The following CHADL variants were observed in gnomAD, a reference collection of about 807,000 sequenced individuals.
CHADL encodes chondroadherin like, also known as chondroadherin-like protein.
CHADL carries 48 observed loss-of-function variants against 52.1 expected under a neutral mutation model. The observed-to-expected ratio is 0.92, with a 90% CI of 0.73 to 1.17. The LOEUF is 1.17. Ranked by LOEUF, CHADL falls within the 50% of genes most tolerant of loss-of-function variation. The pLI, the probability that CHADL is intolerant of heterozygous loss-of-function variation, is 0.00. For missense variants in CHADL, 977 were observed against 1,035.1 expected (o/e 0.94, Z 0.77); for synonymous variants, 498 against 511.2 (o/e 0.97, Z 0.35).
rs529923159 is a variant in CHADL at position 41,240,081 on chromosome 22, T to C, written c.9-461A>G. On this transcript the variant is annotated intron_variant, in intron 1 of 5. Coordinates refer to ENST00000216241, the MANE Select transcript of CHADL (RefSeq NM_138481.2). Reference sequence around the variant, plus strand: ...CCAGTCCGGGTCCTTGAGTCTTTTTTTGTTTGTTTGTTTAAATAGAGACAA... The same window carrying C: ...CCAGTCCGGGTCCTTGAGTCTTTTTCTGTTTGTTTGTTTAAATAGAGACAA... 2.0e-5 allele frequency among the ~76,000 whole-genome samples: 3 copies of C among 152,058 alleles called. No individual in the cohort carries two copies. The South Asian group carries it at 6.2e-4, about 32-fold the overall frequency.
chr22:41,234,711 A>G (rs113450937), intron 5 of CHADL, among the ~76,000 whole-genome samples: 10,480 of 152,042 alleles, frequency 0.069, 963 homozygotes, highest in African/African-American at 0.2. Context: ...CCACCACCAC[A>G]GCCGGATAAT....
intron 5 of CHADL, chr22:41,231,209 A>G (rs1025513762): frequency 6.6e-6 from 1 of 152,184 alleles, no homozygotes; most frequent in Admixed American, 6.5e-5. Flanking sequence ...TCTAGCTGCC[A>G]TTGCAACCTC....
chr22:41,229,788 C>CAG, intron 5 of CHADL, 58 bp from the exon 6 acceptor site: 3 of 1,451,848 alleles, frequency 2.1e-6, no homozygotes, highest in Non-Finnish European at 2.9e-6. Flanking sequence ...CCAAGCAGTC[C>CAG]TGTACCACTG....
chr22:41,235,235 G>A lies in CHADL; in HGVS notation c.2172C>T (p.Gly724=). 1 of 1,551,426 alleles carries A rather than the reference G, an allele frequency of 6.4e-7. No individual in the cohort carries two copies. The highest frequency in any genetic ancestry group is 2.0e-5 in the Admixed American group (1 of 51,010). The change falls in exon 5 of 6, where the codon GGC becomes GGT. Residue 724 remains glycine, a synonymous_variant. Transcript: ENST00000216241. ...AAAAVFEDCP[G]WAARKAKRTP... Reference sequence around the variant, plus strand: ...TCCGCTTGGCCTTTCTGGCAGCCCAGCCCGGGCAGTCTTCAAAGACAGCAG... The same window carrying A: ...TCCGCTTGGCCTTTCTGGCAGCCCAACCCGGGCAGTCTTCAAAGACAGCAG...
chr22:41,238,013 C>A lies in CHADL; in HGVS notation c.1059G>T (p.Trp353Cys), dbSNP rs1174051455. ...RGEALDALRP[W>C]DLRCPGDAAQ... ...CCGCGTCCCCAGGGCAGCGCAGGTC[C>A]CAGGGCCGCAGGGCGTCCAGAGCCT... is the stretch of plus-strand genomic sequence containing the variant. The change falls in exon 3 of 6, where the codon TGG becomes TGT. Residue 353 changes from tryptophan to cysteine, a missense_variant. Trp to Cys is a radical substitution (Grantham distance 215). Coordinates refer to ENST00000216241, the MANE Select transcript of CHADL (RefSeq NM_138481.2). The surrounding 1 kb of genome is among the most constrained non-coding windows in gnomAD (Gnocchi z 4.9). 1.6e-5 allele frequency: 21 copies of A among 1,285,932 alleles called. No individual in the cohort carries two copies. Among genetic ancestry groups the A allele is most frequent in the Non-Finnish European group, 2.0e-5 (20 of 1,023,046 alleles). The allele number at this position is 1,285,932 out of a possible 1,614,324, so 79.7% of individuals were successfully genotyped here. A position where few individuals can be genotyped will look rare whatever the true frequency, so the allele number is the denominator to read the frequency against.
In CHADL at chr22:41,238,254, G is replaced by A; in HGVS notation, c.818C>T (p.Ala273Val). 6.5e-7 allele frequency: 1 copy of A among 1,530,486 alleles called. No individual in the cohort carries two copies. Among genetic ancestry groups the A allele is most frequent in the Non-Finnish European group, 8.7e-7 (1 of 1,144,966 alleles). 94.8% of individuals were successfully genotyped at this position (1,530,486 alleles called of 1,614,324 possible). The change falls in exon 3 of 6, where the codon GCC (alanine) becomes GTC (valine). Residue 273 changes from alanine to valine, a missense_variant. Ala to Val is a moderately conservative substitution (Grantham distance 64). Coordinates refer to ENST00000216241, the MANE Select transcript of CHADL (RefSeq NM_138481.2). This position sits in a 1 kb window ranked among gnomAD's most constrained non-coding sequence, Gnocchi z 4.9. ...GGALQALGPRAFAHCPRLHTL... is the reference protein window; with the variant it reads ...GGALQALGPRVFAHCPRLHTL... The stretch of plus-strand genomic sequence containing the variant: ...GTGCAGGCGCGGACAGTGTGCGAAG[G>A]CCCTGGGACCCAGGGCCTGCAGGGC...
chr22:41,238,643 C>T lies in CHADL; in HGVS notation c.429G>A (p.Gly143=), dbSNP rs948585139. Residue 143 remains glycine (G), a synonymous_variant, in exon 3 of 6, where the codon GGG becomes GGA. Coordinates refer to ENST00000216241, the MANE Select transcript of CHADL (RefSeq NM_138481.2). The surrounding 1 kb of genome is among the most constrained non-coding windows in gnomAD (Gnocchi z 4.9). ...CCGGCCGCAGCTCCTCCAGTGCGTTCCCCTCCAGCTCCAGCCGCCGCAACG... is the reference window on the plus strand; with the variant it reads ...CCGGCCGCAGCTCCTCCAGTGCGTTTCCCTCCAGCTCCAGCCGCCGCAACG... ...LGSLRRLELE[G]NALEELRPGT... is the part of the protein sequence containing the mutation. 5.8e-6 allele frequency: 9 copies of T among 1,544,284 alleles called. No homozygotes were observed. In the African/African-American group the frequency reaches 9.6e-5, roughly 16 times the overall value.
intron 5 of CHADL, among the ~76,000 whole-genome samples, chr22:41,234,457 C>T (rs1242552978): frequency 6.6e-6 from 1 of 151,584 alleles, no homozygotes; most frequent in African/African-American, 2.4e-5. Context: ...TCTCTGCTCA[C>T]TGCAACCTCT....
Position 41,236,531 on chromosome 22 carries a change from G to A in CHADL, c.2016C>T (p.Leu672=), listed in dbSNP as rs1477998571. 6.4e-6 allele frequency: 10 copies of A among 1,551,370 alleles called. No homozygotes were observed. The highest frequency in any genetic ancestry group is 5.2e-6 in the Non-Finnish European group (6 of 1,146,988). ...PSLSQLELID[L]SSNPFHCDCQ... ...AGTCACAGTGGAAGGGATTGCTGCT[G>A]AGGTCGATGAGCTCCAGCTGGCTGA... The change falls in exon 4 of 6, where the codon CTC becomes CTT. Residue 672 remains leucine (L), a synonymous_variant. Coordinates refer to ENST00000216241, the MANE Select transcript of CHADL (RefSeq NM_138481.2).
chr22:41,238,948 C>T lies in CHADL; in HGVS notation c.187-63G>A. ...AGGGACCCCGCCTTTGCAAGTGCTG[C>T]TTCTTCCCCGGAACACTCTTTTCTC... is the stretch of plus-strand genomic sequence containing the variant. On this transcript the variant is annotated intron_variant, in intron 2 of 5. Transcript: ENST00000216241. The surrounding 1 kb of genome is among the most constrained non-coding windows in gnomAD (Gnocchi z 4.9). The T allele has an allele frequency of 6.8e-7, 1 of 1,466,180 alleles. No individual in the cohort carries two copies. The highest frequency in any genetic ancestry group is 9.0e-7 in the Non-Finnish European group (1 of 1,105,040). 90.8% of individuals were successfully genotyped at this position (1,466,180 alleles called of 1,614,324 possible).
chr22:41,240,830 G>A (rs1434290008), intron 1 of CHADL, 44 bp downstream of exon 1: 2 of 1,549,862 alleles, frequency 1.3e-6, no homozygotes, highest in African/African-American at 1.4e-5. Flanking sequence ...AGGCCACTGA[G>A]CTGCTCTGAA....
At chr22:41,233,069 GTA>G (rs1379689211) in intron 5 of CHADL, among the ~76,000 whole-genome samples, 3 of 152,086 alleles carry the variant, frequency 2.0e-5, no homozygotes, top group African/African-American at 7.2e-5. Flanking sequence ...GTACCTCAGA[GTA>G]TGACCTTACT....
chr22:41,239,536 C>T lies in CHADL; in HGVS notation c.93G>A (p.Gln31=). 1 of 1,549,432 alleles carries T rather than the reference C, an allele frequency of 6.5e-7. No individual in the cohort carries two copies. The highest frequency in any genetic ancestry group is 8.7e-7 in the Non-Finnish European group (1 of 1,146,440). ...CACAGATGCAGGCCTGTGGGCAGCG[C>T]TGGGCGGCGGCCTGCCTAGCCGGGG... The part of the protein sequence containing the change: ...LLAPARQAAA[Q]RCPQACICDN... Residue 31 remains glutamine, a synonymous_variant, in exon 2 of 6, where the codon CAG becomes CAA. Transcript: ENST00000216241.
At position 41,237,687 on chromosome 22, in the gene CHADL, G is replaced by A. The variant is rs1263251466; in HGVS notation, c.1385C>T (p.Ala462Val). The A allele has an allele frequency of 2.7e-5, 42 of 1,542,638 alleles. No individual in the cohort carries two copies. The highest frequency in any genetic ancestry group is 3.3e-5 in the Non-Finnish European group (38 of 1,142,382). ...VSLHLQHCGI[A>V]ELEAGALAGL... is the part of the protein sequence containing the mutation. Reference sequence around the variant, plus strand: ...GGCCAGGGCGCCCGCTTCCAGCTCCGCGATGCCGCAGTGCTGCAGGTGCAG... The same window carrying A: ...GGCCAGGGCGCCCGCTTCCAGCTCCACGATGCCGCAGTGCTGCAGGTGCAG... Residue 462 changes from alanine (A) to valine (V), a missense_variant, in exon 3 of 6, where the codon GCG becomes GTG. Ala to Val is a moderately conservative substitution (Grantham distance 64). Coordinates refer to ENST00000216241, the MANE Select transcript of CHADL (RefSeq NM_138481.2).
intron 5 of CHADL, among the ~76,000 whole-genome samples, chr22:41,232,476 TCAAGGGAGACTGGCAGA>T (rs1338909981): frequency 6.6e-6 from 1 of 152,100 alleles, no homozygotes; most frequent in Non-Finnish European, 1.5e-5. Flanking sequence ...GACACGGGCA[TCAAGGGAGACTGGCAGA>T]CGTCCATCCT....
At chr22:41,236,398 G>T in intron 4 of CHADL, 86 bp downstream of exon 4, 1 of 1,245,408 alleles carries the variant, frequency 8.0e-7, no homozygotes, top group Non-Finnish European at 1.1e-6. Flanking sequence ...GATGGGCATG[G>T]ACATGGTGTG....
In CHADL at chr22:41,238,837, C is replaced by T. The variant is rs1354526162; in HGVS notation, c.235G>A (p.Ala79Thr). 1.3e-6 allele frequency: 2 copies of T among 1,546,772 alleles called. No homozygotes were observed. The highest frequency in any genetic ancestry group is 1.7e-6 in the Non-Finnish European group (2 of 1,144,502). Residue 79 changes from alanine (A) to threonine (T), a missense_variant, in exon 3 of 6, where the codon GCA (alanine) becomes ACA (threonine). Physicochemically the swap from Ala to Thr is moderately conservative, Grantham distance 58. Transcript: ENST00000216241. The surrounding 1 kb of genome is among the most constrained non-coding windows in gnomAD (Gnocchi z 4.9). Reference sequence around the variant, plus strand: ...TGAGGCACGCCCTGGAAGGCGGCTGCGGGGATCACCTTCAGCAAATTGCCC... The same window carrying T: ...TGAGGCACGCCCTGGAAGGCGGCTGTGGGGATCACCTTCAGCAAATTGCCC... ...LQGNLLKVIP[A>T]AAFQGVPHLT...
chr22:41,229,843 T>C, intron 5 of CHADL, 113 bp from the exon 6 acceptor site: 1 of 987,870 alleles, frequency 1.0e-6, no homozygotes, highest in Non-Finnish European at 1.6e-6. Context: ...TGAATGGAGC[T>C]GAGTCCCCCT....
rs1350106649 is a variant in CHADL at position 41,238,260 on chromosome 22, G to C, written c.812C>G (p.Pro271Arg). ...GCGCGGACAGTGTGCGAAGGCCCTG[G>C]GACCCAGGGCCTGCAGGGCCCCGCC... is the stretch of plus-strand genomic sequence containing the variant. ...LDGGALQALG[P>R]RAFAHCPRLH... The change falls in exon 3 of 6, where the codon CCC (proline) becomes CGC (arginine). Residue 271 changes from proline (P) to arginine (R), a missense_variant. By Grantham distance (103) the Pro-to-Arg change is moderately radical. Coordinates refer to ENST00000216241, the MANE Select transcript of CHADL (RefSeq NM_138481.2). The surrounding 1 kb of genome is among the most constrained non-coding windows in gnomAD (Gnocchi z 4.9). The C allele has an allele frequency of 1.3e-6, 2 of 1,530,728 alleles. No individual in the cohort carries two copies. Among genetic ancestry groups the C allele is most frequent in the Non-Finnish European group, 1.7e-6 (2 of 1,145,012 alleles). The allele number at this position is 1,530,728 out of a possible 1,614,324, so 94.8% of individuals were successfully genotyped here. A position where few individuals can be genotyped will look rare whatever the true frequency, so the allele number is the denominator to read the frequency against.
Sources: gnomAD v4.1 joint callset for allele counts (sites outside exome capture counted in the v4.1 genomes callset) on GRCh38, gnomAD v4.1.1 for gene constraint, Gnocchi (gnomAD v3.1) non-coding constraint, MANE v1.5 for transcripts, NCBI Gene and HGNC (gene_info 2026-07-23, HGNC 2026-07-21) for gene names.